The following SETBP1 variants were observed in gnomAD, a reference collection of about 807,000 sequenced individuals.
The protein encoded by SETBP1 is SET-binding protein.
SETBP1 carries 9 observed loss-of-function variants against 101.0 expected under a neutral mutation model. The observed-to-expected ratio is 0.09, with a 90% CI of 0.05 to 0.16. SETBP1 has a LOEUF of 0.16. Ranked by LOEUF, SETBP1 falls within the 10% of genes least tolerant of loss-of-function variation. The pLI is 1.00. For missense variants in SETBP1, 1,858 were observed against 2,033.8 expected (o/e 0.91, Z 1.66); for synonymous variants, 818 against 788.5 (o/e 1.04, Z -0.63).
intron 2 of SETBP1, among the ~76,000 whole-genome samples, chr18:44,837,085 C>T (rs1384414119): frequency 6.6e-6 from 1 of 152,222 alleles, no homozygotes; most frequent in Non-Finnish European, 1.5e-5. Flanking sequence ...GGGCTAAGGA[C>T]TTTGTTTGAC....
chr18:44,959,690 G>T (rs1481540964), intron 4 of SETBP1, among the ~76,000 whole-genome samples: 1 of 152,098 alleles, frequency 6.6e-6, no homozygotes, highest in Non-Finnish European at 1.5e-5. Flanking sequence ...AGCCACTGCT[G>T]TGTTCTCAGT....
At chr18:45,046,149 T>A (rs1261545772) in intron 5 of SETBP1, among the ~76,000 whole-genome samples, 1 of 152,222 alleles carries the variant, frequency 6.6e-6, no homozygotes. Flanking sequence ...GATCGCATAG[T>A]CCCTGTGGCC....
At chr18:44,761,256 A>C (rs1284848132) in intron 2 of SETBP1, among the ~76,000 whole-genome samples, 2 of 152,194 alleles carry the variant, frequency 1.3e-5, no homozygotes, top group East Asian at 3.8e-4. Flanking sequence ...TTAAACATTT[A>C]TCATTTCTGG....
chr18:44,929,596 C>T (rs1403949047), intron 3 of SETBP1, among the ~76,000 whole-genome samples: 4 of 152,122 alleles, frequency 2.6e-5, no homozygotes, highest in Admixed American at 6.5e-5. Context: ...CTGTTTGTAT[C>T]CTCTTTTATT....
At chr18:44,876,755 T>C (rs999223027) in intron 3 of SETBP1, 5 of 1,514,342 alleles carry the variant, frequency 3.3e-6, no homozygotes, top group Non-Finnish European at 4.4e-6. Flanking sequence ...GAAGTATAAC[T>C]TCGCATGGAT....
At chr18:44,871,211 A>T (rs1436410477) in intron 3 of SETBP1, 2 of 152,144 alleles carry the variant, frequency 1.3e-5, no homozygotes, top group African/African-American at 4.8e-5. Flanking sequence ...TTAATTCTCT[A>T]GTGAAAGGCC....
chr18:44,788,773 T>A (rs2071303060), intron 2 of SETBP1, among the ~76,000 whole-genome samples: 1 of 151,060 alleles, frequency 6.6e-6, no homozygotes, highest in Admixed American at 6.6e-5. Flanking sequence ...GAAACTGATT[T>A]TTTTTTTTCC....
intron 5 of SETBP1, among the ~76,000 whole-genome samples, chr18:45,058,989 A>G (rs1019079856): frequency 2.6e-5 from 4 of 152,356 alleles, no homozygotes; most frequent in African/African-American, 9.6e-5. Context: ...TAGGTGAAAT[A>G]AAGCCCCAAG....
chr18:44,818,994 CTGTG>C (rs1389774703), intron 2 of SETBP1, among the ~76,000 whole-genome samples: 1 of 92,834 alleles, frequency 1.1e-5, no homozygotes, highest in South Asian at 3.2e-4. Flanking sequence ...GTGTGTGTGT[CTGTG>C]TGTGTGTGTG....
At chr18:44,776,371 T>C (rs1018836736) in intron 2 of SETBP1, among the ~76,000 whole-genome samples, 5 of 152,208 alleles carry the variant, frequency 3.3e-5, no homozygotes, top group Non-Finnish European at 5.9e-5. Flanking sequence ...CTAGATTGTT[T>C]TTTTTCTAAA....
At chr18:44,839,982 C>T (rs1431334546) in intron 2 of SETBP1, among the ~76,000 whole-genome samples, 2 of 152,196 alleles carry the variant, frequency 1.3e-5, no homozygotes, top group East Asian at 1.9e-4. Flanking sequence ...ATTCTGAGAA[C>T]AAGTTGTCTT....
intron 2 of SETBP1, among the ~76,000 whole-genome samples, chr18:44,790,437 A>G (rs1599132224): frequency 6.6e-6 from 1 of 152,222 alleles, no homozygotes; most frequent in Non-Finnish European, 1.5e-5. Context: ...TAATTTTCTC[A>G]TGAGTTAAAA....
At chr18:44,729,296 C>T (rs1470707725) in intron 2 of SETBP1, among the ~76,000 whole-genome samples, 5 of 152,140 alleles carry the variant, frequency 3.3e-5, no homozygotes, top group African/African-American at 1.2e-4. Flanking sequence ...ATGCAGTGAG[C>T]AGATCATAGG....
At chr18:44,758,456 C>T (rs2070555636) in intron 2 of SETBP1, among the ~76,000 whole-genome samples, 1 of 151,462 alleles carries the variant, frequency 6.6e-6, no homozygotes, top group Non-Finnish European at 1.5e-5. Context: ...GATCTCAGCT[C>T]ACTGCAAGCT....
chr18:44,974,276 G>T (rs1163890473), intron 4 of SETBP1, among the ~76,000 whole-genome samples: 1 of 152,180 alleles, frequency 6.6e-6, no homozygotes, highest in African/African-American at 2.4e-5. Context: ...GAAGAATAAA[G>T]AATATATCTC....
chr18:44,827,732 G>A (rs545272409), intron 2 of SETBP1, among the ~76,000 whole-genome samples: 4 of 152,248 alleles, frequency 2.6e-5, no homozygotes, highest in East Asian at 1.9e-4. Context: ...AACATTAGGC[G>A]ATCAAAGCAT....
intron 2 of SETBP1, among the ~76,000 whole-genome samples, chr18:44,843,913 A>G (rs2072672050): frequency 6.6e-6 from 1 of 152,134 alleles, no homozygotes; most frequent in South Asian, 2.1e-4. Flanking sequence ...ACAGACAGAG[A>G]GAGGATGTTA....
intron 2 of SETBP1, among the ~76,000 whole-genome samples, chr18:44,821,232 G>A (rs1010646928): frequency 6.6e-6 from 1 of 152,158 alleles, no homozygotes; most frequent in African/African-American, 2.4e-5. Flanking sequence ...TCCAGCAAAG[G>A]CATTGCTTAA....
chr18:44,875,649 C>T (rs2144712986), intron 3 of SETBP1, among the ~76,000 whole-genome samples: 1 of 151,694 alleles, frequency 6.6e-6, no homozygotes, highest in South Asian at 2.1e-4. Context: ...GCTTTTGGCT[C>T]AATACACATA....
Sources: gnomAD v4.1 joint callset for allele counts (sites outside exome capture counted in the v4.1 genomes callset) on GRCh38, gnomAD v4.1.1 for gene constraint, MANE v1.5 for transcripts, NCBI Gene and HGNC (gene_info 2026-07-23, HGNC 2026-07-21) for gene names.